The following NEURL1B variants were observed in gnomAD, a reference collection of about 807,000 sequenced individuals.
The protein encoded by NEURL1B is neuralized E3 ubiquitin protein ligase 1B.
A neutral mutation model predicts 37.4 loss-of-function variants in NEURL1B; 13 were observed. The ratio of observed to expected loss-of-function variants is 0.35; its 90% CI spans 0.23 to 0.55. The LOEUF is 0.55. NEURL1B is among the 20% of genes least tolerant of loss of function. NEURL1B has a pLI of 0.89. For missense variants in NEURL1B, 790 were observed against 879.2 expected, an observed-to-expected ratio of 0.90 and a Z score of 1.28; for synonymous variants, 432 against 426.6, an observed-to-expected ratio of 1.01 and a Z score of -0.16.
At chr5:172,677,565 G>T (rs1199250916) in intron 2 of NEURL1B, among the ~76,000 whole-genome samples, 2 of 152,198 alleles carry the variant, frequency 1.3e-5, no homozygotes, top group Non-Finnish European at 2.9e-5. Context: ...AAAGCACGAG[G>T]TCAGTGGCGC....
chr5:172,671,486 A>G (rs1208032431), intron 2 of NEURL1B, among the ~76,000 whole-genome samples: 2 of 152,208 alleles, frequency 1.3e-5, no homozygotes, highest in African/African-American at 4.8e-5. Context: ...AGAGGTAGCC[A>G]CTGTTCTGAT....
At chr5:172,666,573 G>A (rs1178691320) in intron 1 of NEURL1B, among the ~76,000 whole-genome samples, 1 of 152,124 alleles carries the variant, frequency 6.6e-6, no homozygotes, top group Non-Finnish European at 1.5e-5. Context: ...GTTGGAGTGA[G>A]GTCGATCCAC....
chr5:172,684,782 G>A (rs1426959808), intron 3 of NEURL1B, among the ~76,000 whole-genome samples: 10 of 152,178 alleles, frequency 6.6e-5, no homozygotes, highest in Non-Finnish European at 1.5e-4. Context: ...TGCCGGTTAG[G>A]AGCTCACAGA....
intron 1 of NEURL1B, among the ~76,000 whole-genome samples, chr5:172,642,415 G>T (rs1306912720): frequency 1.3e-5 from 2 of 152,190 alleles, no homozygotes; most frequent in African/African-American, 4.8e-5. Flanking sequence ...GGCCTTTGTA[G>T]CATCCTTTGG....
intron 1 of NEURL1B, among the ~76,000 whole-genome samples, chr5:172,667,672 G>A (rs1349149912): frequency 6.6e-6 from 1 of 152,020 alleles, no homozygotes; most frequent in Non-Finnish European, 1.5e-5. Flanking sequence ...TCTCTGCCCT[G>A]GAATAATCCA....
In NEURL1B at chr5:172,691,500, T is replaced by G. The variant is rs991880595; in HGVS notation, c.*4575T>G. ...CTGTTTTATATTGACATAATTTTCC[T>G]GTTTAAAAAAATACAACTTTGGCTT... is the stretch of plus-strand genomic sequence containing the variant. On this transcript the variant is annotated 3_prime_UTR_variant, in exon 5 of 5. Coordinates refer to ENST00000369800, the MANE Select transcript of NEURL1B (RefSeq NM_001142651.3). 9 of 117,140 alleles carry G rather than the reference T, an allele frequency of 7.7e-5. No individual in the cohort carries two copies. Among genetic ancestry groups the G allele is most frequent in the African/African-American group, 3.1e-4 (9 of 29,462 alleles). 7.3% of individuals were successfully genotyped at this position (117,140 alleles called of 1,614,324 possible).
At chr5:172,648,279 C>T (rs546636561) in intron 1 of NEURL1B, among the ~76,000 whole-genome samples, 98 of 152,334 alleles carry the variant, frequency 6.4e-4, no homozygotes, top group African/African-American at 2.1e-3. Flanking sequence ...AGTGTTCACA[C>T]GTAGCACCTG....
intron 2 of NEURL1B, among the ~76,000 whole-genome samples, chr5:172,678,103 C>T (rs1218745778): frequency 1.3e-5 from 2 of 152,090 alleles, no homozygotes; most frequent in Admixed American, 6.5e-5. Context: ...GAGCTCCCGC[C>T]GTTCCTCCTG....
chr5:172,651,714 A>G (rs1401990942), intron 1 of NEURL1B, among the ~76,000 whole-genome samples: 1 of 152,252 alleles, frequency 6.6e-6, no homozygotes, highest in East Asian at 1.9e-4. Flanking sequence ...GTTGTAATAG[A>G]TGTAGTTTAT....
intron 1 of NEURL1B, among the ~76,000 whole-genome samples, chr5:172,660,004 G>A (rs1757864984): frequency 6.6e-6 from 1 of 152,194 alleles, no homozygotes; most frequent in South Asian, 2.1e-4. Flanking sequence ...AGCTCGAGGG[G>A]GCGGGGACAG....
At chr5:172,643,118 C>T (rs868030648) in intron 1 of NEURL1B, among the ~76,000 whole-genome samples, 11 of 152,244 alleles carry the variant, frequency 7.2e-5, no homozygotes, top group East Asian at 1.9e-4. Flanking sequence ...TCAACTCTCT[C>T]TCTGTGGACT....
Position 172,687,246 on chromosome 5 carries a change from T to G in NEURL1B, c.*321T>G. 4.5e-6 allele frequency: 1 copy of G among 222,898 alleles called. No homozygotes were observed. Among genetic ancestry groups the G allele is most frequent in the South Asian group, 9.9e-5 (1 of 10,056 alleles). 13.8% of individuals were successfully genotyped at this position (222,898 alleles called of 1,614,324 possible). A position where few individuals can be genotyped will look rare whatever the true frequency, so the allele number is the denominator to read the frequency against. On this transcript the variant is annotated 3_prime_UTR_variant, in exon 5 of 5. Transcript: ENST00000369800. ...GCAATGCTTCTTGCTGGGGTTGGGTTGAGTGTGAGAGAAGGGGAGGGGAGG... is the reference window on the plus strand; with the variant it reads ...GCAATGCTTCTTGCTGGGGTTGGGTGGAGTGTGAGAGAAGGGGAGGGGAGG...
At chr5:172,658,047 C>T (rs1757827108) in intron 1 of NEURL1B, among the ~76,000 whole-genome samples, 1 of 152,314 alleles carries the variant, frequency 6.6e-6, no homozygotes, top group Middle Eastern at 3.4e-3. Context: ...TGACTTGCTT[C>T]ACCTTGTCAA....
chr5:172,669,904 C>A lies in NEURL1B; in HGVS notation c.151C>A (p.Arg51=), dbSNP rs1286086246. The part of the protein sequence containing the change: ...FHAQAKGKNV[R]LDGHSRRATR... ...CGCGCAGGCCAAAGGCAAGAACGTG[C>A]GGCTGGACGGCCACTCGCGCCGGGC... Residue 51 remains arginine (R), a synonymous_variant, in exon 2 of 5, where the codon CGG becomes AGG. Transcript: ENST00000369800. 1 of 1,451,700 alleles carries A rather than the reference C, an allele frequency of 6.9e-7. No individual in the cohort carries two copies. Among genetic ancestry groups the A allele is most frequent in the Non-Finnish European group, 9.0e-7 (1 of 1,106,300 alleles). 89.9% of individuals were successfully genotyped at this position (1,451,700 alleles called of 1,614,324 possible).
At position 172,641,965 on chromosome 5, in the gene NEURL1B, C is replaced by A. The variant is rs1354658175; in HGVS notation, c.31+528C>A. On this transcript the variant is annotated intron_variant, in intron 1 of 4. Coordinates refer to ENST00000369800, the MANE Select transcript of NEURL1B (RefSeq NM_001142651.3). The surrounding 1 kb of genome is among the most constrained non-coding windows in gnomAD (Gnocchi z 6.4). ...CCCACGCGCACCCCGGTTGCGCCCC[C>A]CTCTGGTGTCCGCTCCACTGGGGAC... Among the ~76,000 whole-genome samples, 1 of 152,206 alleles carries A rather than the reference C, an allele frequency of 6.6e-6. No homozygotes were observed. The highest frequency in any genetic ancestry group is 1.5e-5 in the Non-Finnish European group (1 of 68,040).
At chr5:172,672,545 C>CCA (rs887977714) in intron 2 of NEURL1B, among the ~76,000 whole-genome samples, 3 of 130,612 alleles carry the variant, frequency 2.3e-5, no homozygotes, top group Non-Finnish European at 3.6e-5. Flanking sequence ...AACTCTCCCC[C>CCA]CCCCACTCTA....
At chr5:172,679,113 G>A (rs1377400037) in intron 2 of NEURL1B, among the ~76,000 whole-genome samples, 1 of 152,252 alleles carries the variant, frequency 6.6e-6, no homozygotes, top group Admixed American at 6.5e-5. Context: ...TTGGCCGGAG[G>A]CCAAGTCCCG....
At chr5:172,648,334 GATCTT>G (rs1316407188) in intron 1 of NEURL1B, among the ~76,000 whole-genome samples, 1 of 152,210 alleles carries the variant, frequency 6.6e-6, no homozygotes, top group Non-Finnish European at 1.5e-5. Context: ...CCTCCACACT[GATCTT>G]AGGATTGGGT....
At chr5:172,649,764 G>A (rs760671690) in intron 1 of NEURL1B, among the ~76,000 whole-genome samples, 1 of 152,056 alleles carries the variant, frequency 6.6e-6, no homozygotes, top group Non-Finnish European at 1.5e-5. Context: ...GGACGGTGAC[G>A]TCACCTGCCT....
Sources: allele counts gnomAD v4.1 joint callset (sites outside exome capture counted in the v4.1 genomes callset), GRCh38; gene constraint gnomAD v4.1.1; non-coding constraint Gnocchi (gnomAD v3.1); transcripts MANE v1.5; gene names NCBI Gene and HGNC (gene_info 2026-07-23, HGNC 2026-07-21).